Variants in LTBP2 observed in about 807,000 individuals in gnomAD.
LTBP2 encodes latent transforming growth factor beta binding protein 2.
A neutral mutation model predicts 210.6 loss-of-function variants in LTBP2; 103 were observed. That is an observed-to-expected ratio of 0.49 (90% CI 0.42 to 0.58). The LOEUF is 0.58. Ranked by LOEUF, LTBP2 falls within the 20% of genes least tolerant of loss-of-function variation. The pLI is 0.00. For synonymous variants in LTBP2, 1,007 were observed against 1,015.0 expected, an observed-to-expected ratio of 0.99 and a Z score of 0.15; for missense variants, 2,313 against 2,494.5, an observed-to-expected ratio of 0.93 and a Z score of 1.55.
chr14:74,565,796 G>C lies in LTBP2; in HGVS notation c.831-10103C>G, dbSNP rs1207031354. ...AGCAGGCAGAACAAACCATGCTTCA[G>C]AGTGCCACTGCCTGACTGGGGCGTT... On this transcript the variant is annotated intron_variant, in intron 3 of 35. Transcript: ENST00000261978. Among the ~76,000 whole-genome samples the C allele has an allele frequency of 2.6e-5, 4 of 152,188 alleles. No individual in the cohort carries two copies. In the East Asian group the frequency reaches 5.8e-4, roughly 22 times the overall value.
At position 74,521,894 on chromosome 14, in the gene LTBP2, G is replaced by C. The variant is rs1411614775; in HGVS notation, c.2788+17C>G. The C allele has an allele frequency of 2.5e-6, 4 of 1,613,776 alleles. No individual in the cohort carries two copies. The South Asian group carries it at 3.3e-5, about 13-fold the overall frequency. ...GACTGTGGGGCCTGGCCAAGGGCAA[G>C]GGCGGGCTTGGCTTACCTTGACACT... is the stretch of plus-strand genomic sequence containing the variant. On this transcript the variant is annotated intron_variant, in intron 17 of 35. Transcript: ENST00000261978.
chr14:74,521,901 C>T lies in LTBP2; in HGVS notation c.2788+10G>A. ...GGGCCTGGCCAAGGGCAAGGGCGGG[C>T]TTGGCTTACCTTGACACTCCTGTGT... On this transcript the variant is annotated intron_variant, in intron 17 of 35. Coordinates refer to ENST00000261978, the MANE Select transcript of LTBP2 (RefSeq NM_000428.3). The T allele has an allele frequency of 1.2e-6, 2 of 1,613,982 alleles. No homozygotes were observed. Among genetic ancestry groups the T allele is most frequent in the Non-Finnish European group, 1.7e-6 (2 of 1,179,970 alleles).
intron 2 of LTBP2, 73 bp downstream of exon 2, chr14:74,603,562 C>G (rs2088479396): frequency 6.6e-7 from 1 of 1,509,268 alleles, no homozygotes; most frequent in African/African-American, 1.4e-5. Context: ...CTTGACCTGC[C>G]CTGGGAGTAG....
chr14:74,505,320 TC>T, intron 28 of LTBP2, 146 bp from the exon 29 acceptor site: 1 of 883,756 alleles, frequency 1.1e-6, no homozygotes, highest in Non-Finnish European at 1.8e-6. Flanking sequence ...ACTGAGGCTC[TC>T]CACAACCCTA....
intron 10 of LTBP2, among the ~76,000 whole-genome samples, chr14:74,529,973 C>T (rs185505688): frequency 1.8e-4 from 28 of 152,238 alleles, no homozygotes; most frequent in African/African-American, 6.0e-4. Context: ...AGGCCCAGGA[C>T]GCAGCAGACC....
chr14:74,529,080 G>A lies in LTBP2; in HGVS notation c.2030C>T (p.Ser677Leu), dbSNP rs375609662. The change falls in exon 11 of 36, where the codon TCG becomes TTG. Residue 677 changes from serine to leucine, a missense_variant. Around this residue, in one of 3 missense-constraint regions of LTBP2, gnomAD observed 1,867 missense variants for 1,976.9 expected, o/e 0.94. Transcript: ENST00000261978. ...CAGGGTGCAGGTGCCGGGCCCCAGCGACCGGTAGCACAGTCCCTGCAGCAT... is the reference window on the plus strand; with the variant it reads ...CAGGGTGCAGGTGCCGGGCCCCAGCAACCGGTAGCACAGTCCCTGCAGCAT... ...ISMLQGLCYRSLGPGTCTLPL... is the reference protein window; with the variant it reads ...ISMLQGLCYRLLGPGTCTLPL... The A allele has an allele frequency of 4.5e-6, 7 of 1,555,306 alleles. No homozygotes were observed. The highest frequency in any genetic ancestry group is 2.4e-5 in the East Asian group (1 of 41,338).
chr14:74,581,393 G>A (rs576460813), intron 3 of LTBP2, among the ~76,000 whole-genome samples: 411 of 152,198 alleles, frequency 2.7e-3, no homozygotes, highest in Admixed American at 4.8e-3. Flanking sequence ...TGGGCCCAGG[G>A]TCATGACATA....
At position 74,611,753 on chromosome 14, in the gene LTBP2, A is replaced by G; in HGVS notation, c.192T>C (p.Ala64=). The G allele has an allele frequency of 6.2e-7, 1 of 1,607,034 alleles. No homozygotes were observed. The highest frequency in any genetic ancestry group is 8.5e-7 in the Non-Finnish European group (1 of 1,179,276). The change falls in exon 1 of 36, where the codon GCT becomes GCC. Residue 64 remains alanine, a synonymous_variant. Transcript: ENST00000261978. ...RRPGGSYPAA[A]AAKVYSLFRE... The stretch of plus-strand genomic sequence containing the variant: ...GGAACAGACTGTACACCTTGGCTGC[A>G]GCCGCTGCCGGGTAGCTGCCCCCAG...
chr14:74,573,866 C>T lies in LTBP2; in HGVS notation c.830+11988G>A, dbSNP rs145270513. On this transcript the variant is annotated intron_variant, in intron 3 of 35. Transcript: ENST00000261978. ...TATTCTGACCACAGCTCTGCGCAGC[C>T]AGTATTGGTATCATCAGTCTTTCAC... Among the ~76,000 whole-genome samples, 7 of 152,262 alleles carry T rather than the reference C, an allele frequency of 4.6e-5. No homozygotes were observed. In the East Asian group the frequency reaches 5.8e-4, roughly 13 times the overall value.
intron 8 of LTBP2, among the ~76,000 whole-genome samples, chr14:74,543,046 C>A (rs1400122776): frequency 6.6e-6 from 1 of 151,814 alleles, no homozygotes; most frequent in Non-Finnish European, 1.5e-5. Context: ...GGATTACAGG[C>A]GTGAGCCACC....
intron 3 of LTBP2, among the ~76,000 whole-genome samples, chr14:74,570,378 G>A (rs988578569): frequency 6.6e-6 from 1 of 152,088 alleles, no homozygotes; most frequent in African/African-American, 2.4e-5. Flanking sequence ...TACCCCACTC[G>A]TGGGCCTGCC....
In LTBP2 at chr14:74,500,972, C is replaced by T. The variant is rs757772260; in HGVS notation, c.5378G>A (p.Cys1793Tyr). Residue 1793 changes from cysteine (C) to tyrosine (Y), a missense_variant, in exon 36 of 36, where the codon TGC (cysteine) becomes TAC (tyrosine). By Grantham distance (194) the Cys-to-Tyr change is radical. This residue lies in a region of LTBP2 where 443 missense variants were observed against 501.4 expected (regional missense o/e 0.88). Coordinates refer to ENST00000261978, the MANE Select transcript of LTBP2 (RefSeq NM_000428.3). ...GCGGTAGGAGCCCTCTGTGTTCTCGCAGTAACCATGGACACAGAGCACAGC... is the reference window on the plus strand; with the variant it reads ...GCGGTAGGAGCCCTCTGTGTTCTCGTAGTAACCATGGACACAGAGCACAGC... The part of the protein sequence containing the change: ...GPAVLCVHGY[C>Y]ENTEGSYRCH... The T allele has an allele frequency of 6.2e-7, 1 of 1,614,160 alleles. No individual in the cohort carries two copies. The highest frequency in any genetic ancestry group is 1.1e-5 in the South Asian group (1 of 91,082).
chr14:74,600,880 A>C (rs1197017040), intron 2 of LTBP2, among the ~76,000 whole-genome samples: 1 of 152,212 alleles, frequency 6.6e-6, no homozygotes, highest in Non-Finnish European at 1.5e-5. Context: ...GGAGCTGGTT[A>C]GAACATAGAA....
chr14:74,508,118 C>T (rs998519800), intron 24 of LTBP2, 23 bp from the exon 25 acceptor site: 1 of 1,613,004 alleles, frequency 6.2e-7, no homozygotes, highest in Non-Finnish European at 8.5e-7. Context: ...TGGCTGTCAG[C>T]AGACCCAGCC....
At chr14:74,511,910 C>T (rs2087076860) in intron 18 of LTBP2, among the ~76,000 whole-genome samples, 1 of 152,150 alleles carries the variant, frequency 6.6e-6, no homozygotes, top group African/African-American at 2.4e-5. Context: ...GTAGAGCTGG[C>T]AAAGCTTCTC....
intron 8 of LTBP2, among the ~76,000 whole-genome samples, chr14:74,540,830 A>ATATTT (rs1555350191): frequency 2.9e-5 from 2 of 68,646 alleles, no homozygotes; most frequent in East Asian, 5.7e-4. Context: ...ATTTTTATAT[A>ATATTT]ATATATATTT....
At chr14:74,540,960 G>A (rs1224220745) in intron 8 of LTBP2, among the ~76,000 whole-genome samples, 1 of 131,514 alleles carries the variant, frequency 7.6e-6, no homozygotes, top group Non-Finnish European at 1.6e-5. Context: ...TATATATGTA[G>A]GTTAAATTCA....
chr14:74,578,916 C>T (rs1007656980), intron 3 of LTBP2, among the ~76,000 whole-genome samples: 3 of 152,222 alleles, frequency 2.0e-5, no homozygotes, highest in Non-Finnish European at 4.4e-5. Flanking sequence ...AGTGCAATGT[C>T]GTGATCTTGG....
At chr14:74,532,303 A>G (rs1297298160) in intron 10 of LTBP2, 123 bp downstream of exon 10, 4 of 1,343,982 alleles carry the variant, frequency 3.0e-6, no homozygotes, top group Admixed American at 3.5e-5. Context: ...TAGCCGACAC[A>G]GGCCCTGAGC....
Sources: allele counts gnomAD v4.1 joint callset (sites outside exome capture counted in the v4.1 genomes callset), GRCh38; gene constraint gnomAD v4.1.1; regional missense constraint gnomAD v4.1.1; transcripts MANE v1.5; gene names NCBI Gene and HGNC (gene_info 2026-07-23, HGNC 2026-07-21).